Variants in ANK2 observed in about 807,000 individuals in gnomAD.
The protein encoded by ANK2 is ankyrin 2, also known as ankyrin-2.
A neutral mutation model predicts 360.5 loss-of-function variants in ANK2; 83 were observed. The observed-to-expected ratio is 0.23, with a 90% confidence interval of 0.19 to 0.28. The LOEUF (loss-of-function observed/expected upper bound fraction) is 0.28, where lower values mean the gene tolerates loss of function less well. ANK2 is among the 10% of genes least tolerant of loss of function. ANK2 has a pLI of 1.00. For synonymous variants in ANK2, 1,740 were observed against 1,759.5 expected, an observed-to-expected ratio of 0.99 and a Z score of 0.28; for missense variants, 4,201 against 4,795.7, an observed-to-expected ratio of 0.88 and a Z score of 3.66.
intron 26 of ANK2, chr4:113,323,864 G>A (rs940139272): frequency 1.4e-6 from 2 of 1,458,972 alleles, no homozygotes; most frequent in East Asian, 4.7e-5. Flanking sequence ...ATCTCCTTCT[G>A]CATATTCCTT....
intron 1 of ANK2, among the ~76,000 whole-genome samples, chr4:113,119,257 T>C (rs968156781): frequency 2.6e-5 from 4 of 152,158 alleles, no homozygotes; most frequent in Non-Finnish European, 4.4e-5. Flanking sequence ...TCTTTTTTCA[T>C]GTGCACCTAT....
intron 1 of ANK2, among the ~76,000 whole-genome samples, chr4:113,102,829 T>C (rs1209658837): frequency 6.6e-6 from 1 of 152,170 alleles, no homozygotes; most frequent in East Asian, 1.9e-4. Context: ...TCCTCTTTAT[T>C]GTTCTCACCT....
At chr4:112,964,028 C>G (rs1370215918) in intron 2 of ANK2, among the ~76,000 whole-genome samples, 1 of 150,612 alleles carries the variant, frequency 6.6e-6, no homozygotes, top group East Asian at 1.9e-4. Flanking sequence ...TAAAACATGA[C>G]TTTTTCAATT....
Position 113,355,046 on chromosome 4 carries a change from A to T in ANK2, c.6428A>T (p.Glu2143Val). 1 of 1,614,122 alleles carries T rather than the reference A, an allele frequency of 6.2e-7. No homozygotes were observed. Among genetic ancestry groups the T allele is most frequent in the South Asian group, 1.1e-5 (1 of 91,086 alleles). ...GACTTCTCTGAGGTCATTAAGCAAG[A>T]GTTGGAAGACAATGACAAATACCAA... ...STDFSEVIKQ[E>V]LEDNDKYQQF... Residue 2143 changes from glutamate (E) to valine (V), a missense_variant, in exon 38 of 46, where the codon GAG (glutamate) becomes GTG (valine). This residue lies in a region of ANK2 where 2,642 missense variants were observed against 2,714.5 expected (regional missense o/e 0.97). Coordinates refer to ENST00000357077, the MANE Select transcript of ANK2 (RefSeq NM_001148.6).
chr4:112,847,790 C>T (rs1472735256), intron 1 of ANK2, among the ~76,000 whole-genome samples: 3 of 152,146 alleles, frequency 2.0e-5, no homozygotes, highest in Non-Finnish European at 4.4e-5. Context: ...AAATTGCTGG[C>T]CTACAGGATT....
chr4:113,211,692 T>C (rs1278691454), intron 4 of ANK2, among the ~76,000 whole-genome samples: 1 of 152,146 alleles, frequency 6.6e-6, no homozygotes, highest in Non-Finnish European at 1.5e-5. Context: ...AGACATTGTG[T>C]CCATAACACT....
At chr4:112,895,192 C>T (rs898794649) in intron 1 of ANK2, among the ~76,000 whole-genome samples, 1 of 152,124 alleles carries the variant, frequency 6.6e-6, no homozygotes, top group Non-Finnish European at 1.5e-5. Context: ...AAGCATTGAA[C>T]CACTTAGAGT....
chr4:113,274,790 G>A, intron 15 of ANK2, 141 bp downstream of exon 15: 2 of 867,020 alleles, frequency 2.3e-6, no homozygotes, highest in South Asian at 1.5e-5. Context: ...AAGACTCATT[G>A]TCTAAATGAT....
rs1309988758 is a variant in ANK2, at chr4:113,354,255, A to T, written c.5637A>T (p.Ser1879=). 1 of 1,613,926 alleles carries T rather than the reference A, an allele frequency of 6.2e-7. No individual in the cohort carries two copies. The highest frequency in any genetic ancestry group is 8.5e-7 in the Non-Finnish European group (1 of 1,179,990). ...ASSSSKTEKH[S]PVSPSTKTER... ...CATCGAGTAAAACTGAGAAACACTC[A>T]CCTGTATCACCCTCGACAAAAACTG... Residue 1879 remains serine (S), a synonymous_variant, in exon 38 of 46, where the codon TCA becomes TCT. Transcript: ENST00000357077.
chr4:113,330,907 T>A (rs17580102), intron 27 of ANK2, among the ~76,000 whole-genome samples: 5,394 of 152,338 alleles, frequency 0.035, 150 homozygotes, highest in Non-Finnish European at 0.059. Context: ...CTTTACAGAA[T>A]ACCTACAAAT....
At chr4:113,198,434 T>A (rs1461342084) in intron 3 of ANK2, among the ~76,000 whole-genome samples, 1 of 152,188 alleles carries the variant, frequency 6.6e-6, no homozygotes, top group Non-Finnish European at 1.5e-5. Context: ...TTATTTTTCA[T>A]TGGTGTTAGT....
At chr4:112,785,411 T>A in the ANK2 span, among the ~76,000 whole-genome samples, 5 of 152,034 alleles carry the variant, frequency 3.3e-5, no homozygotes, top group Non-Finnish European at 5.9e-5. Context: ...TCTTGCTCTG[T>A]CACCCAGGCT....
At chr4:113,191,275 G>A (rs776415949) in intron 2 of ANK2, among the ~76,000 whole-genome samples, 32 of 152,146 alleles carry the variant, frequency 2.1e-4, no homozygotes, top group African/African-American at 6.0e-4. Context: ...CCTGGGAGGC[G>A]GAGGTTGCAC....
intron 2 of ANK2, among the ~76,000 whole-genome samples, chr4:112,954,829 A>T (rs2154255092): frequency 6.6e-6 from 1 of 152,260 alleles, no homozygotes; most frequent in East Asian, 1.9e-4. Flanking sequence ...ATAAGTGTAA[A>T]CTGGAATAAT....
chr4:112,718,875 G>A, the ANK2 span, among the ~76,000 whole-genome samples: 2 of 152,102 alleles, frequency 1.3e-5, no homozygotes, highest in African/African-American at 4.8e-5. Context: ...GACCTCAGGT[G>A]ATCTGCCCAC....
intron 14 of ANK2, 41 bp downstream of exon 14, chr4:113,265,036 A>C: frequency 6.5e-7 from 1 of 1,530,320 alleles, no homozygotes; most frequent in Non-Finnish European, 8.9e-7. Flanking sequence ...ATCGCAGCGC[A>C]TGAGTTTCAT....
At chr4:113,097,185 C>T in intron 1 of ANK2, among the ~76,000 whole-genome samples, 1 of 150,846 alleles carries the variant, frequency 6.6e-6, no homozygotes, top group East Asian at 2.0e-4. Flanking sequence ...TATGATGTGA[C>T]CTTTGCACCA....
chr4:113,184,410 G>A (rs189245462), intron 2 of ANK2, among the ~76,000 whole-genome samples: 1 of 152,056 alleles, frequency 6.6e-6, no homozygotes, highest in African/African-American at 2.4e-5. Flanking sequence ...TCTGGAGAAA[G>A]AAGTGGAGGG....
In ANK2 at chr4:113,282,078, A is replaced by G. The variant is rs184644354; in HGVS notation, c.1882-597A>G. Among the ~76,000 whole-genome samples, 77 of 152,336 alleles carry G rather than the reference A, an allele frequency of 5.1e-4. No individual in the cohort carries two copies. The East Asian group carries it at 0.012, about 24-fold the overall frequency. On this transcript the variant is annotated intron_variant, in intron 17 of 45. Transcript: ENST00000357077. ...TTGAACCAGTTTAAAGTACAATCCA[A>G]ACAGAAGCATATTAGTTGGAGTATT...
Sources: gnomAD v4.1 joint callset for allele counts (sites outside exome capture counted in the v4.1 genomes callset) on GRCh38, gnomAD v4.1.1 for gene constraint, gnomAD v4.1.1 regional missense constraint, MANE v1.5 for transcripts, NCBI Gene and HGNC (gene_info 2026-07-23, HGNC 2026-07-21) for gene names.